The following IGSF10 variants were observed in gnomAD, a reference collection of about 807,000 sequenced individuals.
IGSF10 encodes calvaria mechanical force protein 608.
Under a neutral mutation model 128.2 loss-of-function variants are expected in IGSF10, and 126 were observed. The observed-to-expected ratio is 0.98, with a 90% CI of 0.85 to 1.14. IGSF10 has a LOEUF of 1.14. Among genes scored for constraint, IGSF10 ranks in the 50% most tolerant of loss-of-function variants. The pLI, the probability that IGSF10 is intolerant of heterozygous loss-of-function variation, is 0.00. For missense variants in IGSF10, 3,295 were observed against 3,149.8 expected (o/e 1.05, Z -1.10); for synonymous variants, 1,185 against 1,146.2 (o/e 1.03, Z -0.68).
In IGSF10 at chr3:151,446,365, G is replaced by A. The variant is rs779313959; in HGVS notation, c.3616C>T (p.Gln1206Ter). Residue 1206 changes from glutamine (Q) to a stop codon, truncating the protein, a stop_gained, in exon 6 of 8, where the codon CAA (glutamine) becomes TAA (stop). Coordinates refer to ENST00000282466, the MANE Select transcript of IGSF10 (RefSeq NM_178822.5). LOFTEE classifies it high-confidence loss of function. ...TRFSRRKIPW[Q>*]QNFVNNHNPK... is the part of the protein sequence containing the mutation. ...TTATGGTTATTTACAAAGTTCTGTTGCCAGGGAATTTTCCTTCTTGAAAAC... is the reference window on the plus strand; with the variant it reads ...TTATGGTTATTTACAAAGTTCTGTTACCAGGGAATTTTCCTTCTTGAAAAC... 8 of 1,613,002 alleles carry A rather than the reference G, an allele frequency of 5.0e-6. No homozygotes were observed. The highest frequency in any genetic ancestry group is 2.7e-5 in the African/African-American group (2 of 74,896).
chr3:151,617,879 A>T, the IGSF10 span, among the ~76,000 whole-genome samples: 2 of 152,334 alleles, frequency 1.3e-5, no homozygotes, highest in Non-Finnish European at 2.9e-5. Flanking sequence ...TAGTTATCAC[A>T]AGAGTGATTA....
chr3:151,487,611 C>T, the IGSF10 span, among the ~76,000 whole-genome samples: 10 of 152,314 alleles, frequency 6.6e-5, no homozygotes, highest in East Asian at 1.7e-3. Flanking sequence ...AATCCAGCAG[C>T]ACATCAAAAA....
the IGSF10 span, among the ~76,000 whole-genome samples, chr3:151,538,306 TC>T: frequency 6.6e-6 from 1 of 152,016 alleles, no homozygotes; most frequent in Non-Finnish European, 1.5e-5. Context: ...TTAATATATT[TC>T]TTTAATTATT....
chr3:151,442,766 TAAG>T (rs1244879081), intron 7 of IGSF10, among the ~76,000 whole-genome samples: 1 of 152,134 alleles, frequency 6.6e-6, no homozygotes, highest in African/African-American at 2.4e-5. Flanking sequence ...ATAAAAACCC[TAAG>T]AAGTTGACCC....
In IGSF10 at chr3:151,445,942, C is replaced by A. The variant is rs772439142; in HGVS notation, c.4039G>T (p.Glu1347Ter). The part of the protein sequence containing the change: ...ERSRAQTIQR[E>*]QEPQKKNRTD... Reference sequence around the variant, plus strand: ...CTGTTCTTCTTTTGAGGCTCCTGTTCTCTTTGTATTGTTTGTGCTCTAGAT... The same window carrying A: ...CTGTTCTTCTTTTGAGGCTCCTGTTATCTTTGTATTGTTTGTGCTCTAGAT... The change falls in exon 6 of 8, where the codon GAA (glutamate) becomes TAA (stop). Residue 1347 changes from glutamate (E) to a stop codon, truncating the protein, a stop_gained. Transcript: ENST00000282466. LOFTEE classifies it high-confidence loss of function. 6.2e-7 allele frequency: 1 copy of A among 1,614,040 alleles called. No homozygotes were observed. Among genetic ancestry groups the A allele is most frequent in the Admixed American group, 1.7e-5 (1 of 59,990 alleles).
chr3:151,552,686 C>T, the IGSF10 span, among the ~76,000 whole-genome samples: 2 of 152,152 alleles, frequency 1.3e-5, no homozygotes, highest in East Asian at 3.9e-4. Context: ...CCTCTCTTAT[C>T]TCCTCAGGGG....
chr3:151,579,578 G>T, the IGSF10 span, among the ~76,000 whole-genome samples: 6,611 of 150,024 alleles, frequency 0.044, 231 homozygotes, highest in East Asian at 0.13. Flanking sequence ...TCAATCAAAA[G>T]AAATGATTCA....
rs1192409592 is a variant in IGSF10, at chr3:151,437,980, G to A, written c.6581C>T (p.Ala2194Val). ...TTTGTTGATGGTCAAAGACCCATTG[G>A]CATGAAATGTGTACCTATCAATGGA... is the stretch of plus-strand genomic sequence containing the variant. ...SFSIDRYTFH[A>V]NGSLTINKVK... The change falls in exon 8 of 8, where the codon GCC (alanine) becomes GTC (valine). Residue 2194 changes from alanine to valine, a missense_variant. Coordinates refer to ENST00000282466, the MANE Select transcript of IGSF10 (RefSeq NM_178822.5). 1.8e-5 allele frequency: 29 copies of A among 1,614,024 alleles called. No homozygotes were observed. The highest frequency in any genetic ancestry group is 2.4e-5 in the Non-Finnish European group (28 of 1,180,014).
Position 151,447,494 on chromosome 3 carries a change from A to G in IGSF10, c.2487T>C (p.Ser829=). The change falls in exon 6 of 8, where the codon TCT becomes TCC. Residue 829 remains serine (S), a synonymous_variant. Transcript: ENST00000282466. ...RTVTADSRTI[S]DSPMTNINYG... ...AATTTATGTTTGTCATAGGACTATC[A>G]GATATTGTTCTGGAGTCAGCAGTCA... 3.1e-6 allele frequency: 5 copies of G among 1,614,142 alleles called. No individual in the cohort carries two copies. The highest frequency in any genetic ancestry group is 4.2e-6 in the Non-Finnish European group (5 of 1,180,004).
At chr3:151,563,861 T>A in the IGSF10 span, among the ~76,000 whole-genome samples, 1 of 152,198 alleles carries the variant, frequency 6.6e-6, no homozygotes, top group Non-Finnish European at 1.5e-5. Flanking sequence ...AGTCATTGAA[T>A]TGTCAGAGAA....
At chr3:151,479,946 G>GA in the IGSF10 span, among the ~76,000 whole-genome samples, 2,849 of 143,784 alleles carry the variant, frequency 0.02, 83 homozygotes, top group African/African-American at 0.068. Flanking sequence ...ATCTAACGAA[G>GA]AAAAAAAAAA....
At chr3:151,482,402 G>T in the IGSF10 span, among the ~76,000 whole-genome samples, 1 of 152,058 alleles carries the variant, frequency 6.6e-6, no homozygotes, top group African/African-American at 2.4e-5. Flanking sequence ...TGGAGCTGAA[G>T]AATTAAATGA....
rs1219824669 is a variant in IGSF10, at chr3:151,446,182, A to G, written c.3799T>C (p.Leu1267=). 6.2e-7 allele frequency: 1 copy of G among 1,614,088 alleles called. No individual in the cohort carries two copies. Among genetic ancestry groups the G allele is most frequent in the Admixed American group, 1.7e-5 (1 of 60,018 alleles). ...TSVMQIPSNT[L]TTAHHTTTKT... is the part of the protein sequence containing the mutation. The stretch of plus-strand genomic sequence containing the variant: ...GTCGTAGTGTGGTGAGCGGTAGTCA[A>G]GGTATTAGATGGAATTTGCATCACA... Residue 1267 remains leucine, a synonymous_variant, in exon 6 of 8, where the codon TTG becomes CTG. Coordinates refer to ENST00000282466, the MANE Select transcript of IGSF10 (RefSeq NM_178822.5).
At chr3:151,536,037 G>A in the IGSF10 span, among the ~76,000 whole-genome samples, 1 of 152,100 alleles carries the variant, frequency 6.6e-6, no homozygotes, top group Non-Finnish European at 1.5e-5. Context: ...TTCTTTGGAA[G>A]CTGCAATTTC....
chr3:151,456,040 C>A (rs187135233), intron 4 of IGSF10, among the ~76,000 whole-genome samples: 2 of 152,296 alleles, frequency 1.3e-5, no homozygotes, highest in Admixed American at 1.3e-4. Context: ...GGAGTTCAAT[C>A]TCCAACTCAA....
the IGSF10 span, among the ~76,000 whole-genome samples, chr3:151,485,320 G>A: frequency 0.058 from 8,818 of 152,160 alleles, 308 homozygotes; most frequent in African/African-American, 0.097. Context: ...CCAAATCTAT[G>A]TTTGATTGGT....
At chr3:151,592,017 T>G in the IGSF10 span, among the ~76,000 whole-genome samples, 1 of 152,284 alleles carries the variant, frequency 6.6e-6, no homozygotes, top group East Asian at 1.9e-4. Flanking sequence ...TTAAAAATAT[T>G]TTTTAATGAA....
the IGSF10 span, among the ~76,000 whole-genome samples, chr3:151,495,570 T>C: frequency 8.5e-6 from 1 of 117,628 alleles, no homozygotes; most frequent in African/African-American, 3.5e-5. Flanking sequence ...AAAAATTTAA[T>C]TTTCACTGTT....
At chr3:151,612,170 GT>G in the IGSF10 span, among the ~76,000 whole-genome samples, 1 of 152,070 alleles carries the variant, frequency 6.6e-6, no homozygotes, top group Admixed American at 6.6e-5. Context: ...ATTGCACTTC[GT>G]GTCAAGTTCT....
Sources: gnomAD v4.1 joint callset for allele counts (sites outside exome capture counted in the v4.1 genomes callset) on GRCh38, gnomAD v4.1.1 for gene constraint, MANE v1.5 for transcripts, NCBI Gene and HGNC (gene_info 2026-07-23, HGNC 2026-07-21) for gene names.